The following BAG5 variants were observed in gnomAD, a reference collection of about 807,000 sequenced individuals.
BAG5 encodes BAG family molecular chaperone regulator 5.
A neutral mutation model predicts 31.8 loss-of-function variants in BAG5; 25 were observed. The observed-to-expected ratio is 0.79, with a 90% CI of 0.57 to 1.10. The LOEUF is 1.10. Ranked by LOEUF, BAG5 falls within the 50% of genes least tolerant of loss-of-function variation. The pLI, the probability that BAG5 is intolerant of heterozygous loss-of-function variation, is 0.00. For synonymous variants in BAG5, 208 were observed against 205.0 expected (o/e 1.01, Z -0.13); for missense variants, 491 against 527.9 (o/e 0.93, Z 0.68).
intron 1 of BAG5, among the ~76,000 whole-genome samples, 167 bp from the exon 2 acceptor site, chr14:103,561,359 C>T (rs2076072418): frequency 6.6e-6 from 1 of 152,156 alleles, no homozygotes; most frequent in East Asian, 1.9e-4. Context: ...ACCACTACGC[C>T]CAGCTAATGT....
Position 103,557,525 on chromosome 14 carries a change from T to C in BAG5, c.*2296A>G, listed in dbSNP as rs576372497. 2.6e-5 allele frequency: 4 copies of C among 152,202 alleles called. No homozygotes were observed. The highest frequency in any genetic ancestry group is 2.1e-4 in the South Asian group (1 of 4,824). The allele number at this position is 152,202 out of a possible 1,614,324, so 9.4% of individuals were successfully genotyped here. ...GGCAAAAGGTACACAAACACTTGTT[T>C]GAAAAGAATGACTGAAACGTCTACT... On this transcript the variant is annotated 3_prime_UTR_variant, in exon 2 of 2. Coordinates refer to ENST00000299204, the MANE Select transcript of BAG5 (RefSeq NM_001015048.3).
At chr14:103,561,216 CTT>C in intron 1 of BAG5, 24 bp from the exon 2 acceptor site, 1 of 1,564,046 alleles carries the variant, frequency 6.4e-7, no homozygotes, top group Non-Finnish European at 8.6e-7. Flanking sequence ...AGAATGATAA[CTT>C]ACTACAGCAC....
At position 103,557,067 on chromosome 14, in the gene BAG5, G is replaced by A. The variant is rs1362836565; in HGVS notation, c.*2754C>T. 1.3e-5 allele frequency: 2 copies of A among 152,224 alleles called. No individual in the cohort carries two copies. The highest frequency in any genetic ancestry group is 2.4e-5 in the African/African-American group (1 of 41,448). 9.4% of individuals were successfully genotyped at this position (152,224 alleles called of 1,614,324 possible). ...GTGTGATCTGAAAGCAACGCTGACT[G>A]AATGTAAATAAAGCAAACGTTCCCA... is the stretch of plus-strand genomic sequence containing the variant. On this transcript the variant is annotated 3_prime_UTR_variant, in exon 2 of 2. Coordinates refer to ENST00000299204, the MANE Select transcript of BAG5 (RefSeq NM_001015048.3).
chr14:103,562,161 G>C (rs937820076), intron 1 of BAG5: 2 of 636,958 alleles, frequency 3.1e-6, no homozygotes, highest in African/African-American at 1.8e-5. Flanking sequence ...CGAGGTGGAA[G>C]ATCAGCCCTT....
chr14:103,561,008 T>C lies in BAG5; in HGVS notation c.157A>G (p.Ile53Val). Residue 53 changes from isoleucine to valine, a missense_variant, in exon 2 of 2, where the codon ATA becomes GTA. By Grantham distance (29) the Ile-to-Val change is conservative (BLOSUM62 3). Transcript: ENST00000299204. ...ERILTKQLFE[I>V]DSVDTEGKGD... ...TTTCCTTCAGTATCTACAGAGTCTA[T>C]TTCAAAAAGCTGTTTTGTTAGAATC... 6 of 1,614,164 alleles carry C rather than the reference T, an allele frequency of 3.7e-6. No individual in the cohort carries two copies. Among genetic ancestry groups the C allele is most frequent in the Non-Finnish European group, 3.4e-6 (4 of 1,180,044 alleles).
chr14:103,562,242 G>C (rs1199090008), intron 1 of BAG5: 1 of 530,102 alleles, frequency 1.9e-6, no homozygotes, highest in African/African-American at 1.9e-5. Context: ...GTCTGAGCGG[G>C]GCAGCCGGTG....
intron 1 of BAG5, chr14:103,562,128 T>G: frequency 5.7e-6 from 4 of 704,990 alleles, no homozygotes; most frequent in Non-Finnish European, 1.0e-5. Flanking sequence ...GGATGCGGTC[T>G]TGGCGTCCCG....
rs764055806 is a variant in BAG5 at position 103,559,851 on chromosome 14, G to C, written c.1314C>G (p.Leu438=). 2.5e-6 allele frequency: 4 copies of C among 1,613,328 alleles called. No homozygotes were observed. The highest frequency in any genetic ancestry group is 3.4e-6 in the Non-Finnish European group (4 of 1,179,514). ...VRLAQNILSY[L]DLKSDEWEY is the part of the protein sequence containing the mutation. ...ACTCCCATTCATCAGATTTCAGGTC[G>C]AGATAGCTGAGAATATTCTGCGCAA... Residue 438 remains leucine (L), a synonymous_variant, in exon 2 of 2, where the codon CTC becomes CTG. Transcript: ENST00000299204.
Position 103,560,607 on chromosome 14 carries a change from G to A in BAG5, c.558C>T (p.Ile186=). The A allele has an allele frequency of 4.3e-6, 7 of 1,614,150 alleles. No homozygotes were observed. The highest frequency in any genetic ancestry group is 5.9e-6 in the Non-Finnish European group (7 of 1,180,026). ...TGTTCACCTCACACATCACGAAGTT[G>A]ATTTTGGCAACGGAAGGATGTGCAT... The part of the protein sequence containing the change: ...SEDAHPSVAK[I]NFVMCEVNKA... Residue 186 remains isoleucine, a synonymous_variant, in exon 2 of 2, where the codon ATC becomes ATT. Coordinates refer to ENST00000299204, the MANE Select transcript of BAG5 (RefSeq NM_001015048.3).
intron 1 of BAG5, chr14:103,561,703 C>A (rs1453780673): frequency 3.6e-6 from 2 of 556,528 alleles, no homozygotes; most frequent in Non-Finnish European, 6.4e-6. Context: ...CCCCTCCCCA[C>A]CCTTTTAGCT....
rs748332347 is a variant in BAG5 at position 103,560,471 on chromosome 14, C to A, written c.694G>T (p.Val232Leu). ...TTTCTGATTTCTGTCCGGCCGCACA[C>A]ATCTAGAGCATCCAGGTCAGCGATC... ...GLIADLDALD[V>L]CGRTEIRNYR... Residue 232 changes from valine to leucine, a missense_variant, in exon 2 of 2, where the codon GTG (valine) becomes TTG (leucine). Coordinates refer to ENST00000299204, the MANE Select transcript of BAG5 (RefSeq NM_001015048.3). 5 of 1,614,142 alleles carry A rather than the reference C, an allele frequency of 3.1e-6. No individual in the cohort carries two copies. Among genetic ancestry groups the A allele is most frequent in the Non-Finnish European group, 4.2e-6 (5 of 1,180,038 alleles).
At chr14:103,561,941 T>C in intron 1 of BAG5, 1 of 1,613,274 alleles carries the variant, frequency 6.2e-7, no homozygotes, top group South Asian at 1.1e-5. Flanking sequence ...AATGGCCTAA[T>C]GCACGTTTCA....
At position 103,560,111 on chromosome 14, in the gene BAG5, G is replaced by A. The variant is rs767872752; in HGVS notation, c.1054C>T (p.Leu352Phe). 1.2e-6 allele frequency: 2 copies of A among 1,614,130 alleles called. No individual in the cohort carries two copies. The highest frequency in any genetic ancestry group is 4.5e-5 in the East Asian group (2 of 44,888). ...LITYIDLKEA[L>F]EKRKLFACEE... ...CAAGCAAACAGCTTTCTTTTCTCAA[G>A]GGCCTCCTTCAAGTCAATATATGTG... The change falls in exon 2 of 2, where the codon CTT becomes TTT. Residue 352 changes from leucine to phenylalanine, a missense_variant. By Grantham distance (22) the Leu-to-Phe change is conservative. Transcript: ENST00000299204.
rs1319656446 is a variant in BAG5, at chr14:103,559,548, C to G, written c.*273G>C. On this transcript the variant is annotated 3_prime_UTR_variant, in exon 2 of 2. Transcript: ENST00000299204. ...CCCATTTAAAATCTACAAAAGCTGC[C>G]TCTATTTTGTTTTCTGATTAAAAAC... 3 of 346,058 alleles carry G rather than the reference C, an allele frequency of 8.7e-6. No homozygotes were observed. Among genetic ancestry groups the G allele is most frequent in the African/African-American group, 6.3e-5 (3 of 47,882 alleles). 21.4% of individuals were successfully genotyped at this position (346,058 alleles called of 1,614,324 possible). A position where few individuals can be genotyped will look rare whatever the true frequency, so the allele number is the denominator to read the frequency against.
In BAG5 at chr14:103,557,301, C is replaced by T. The variant is rs1334725910; in HGVS notation, c.*2520G>A. On this transcript the variant is annotated 3_prime_UTR_variant, in exon 2 of 2. Transcript: ENST00000299204. The stretch of plus-strand genomic sequence containing the variant: ...CACGAAGGCCGACAAGAGCTAAATC[C>T]GGTGTCAACAGGGTTCATTGCAGGA... 6.6e-6 allele frequency: 1 copy of T among 152,208 alleles called. No individual in the cohort carries two copies. Among genetic ancestry groups the T allele is most frequent in the East Asian group, 1.9e-4 (1 of 5,202 alleles). 9.4% of individuals were successfully genotyped at this position (152,208 alleles called of 1,614,324 possible).
Position 103,560,634 on chromosome 14 carries a change from C to A in BAG5, c.531G>T (p.Glu177Asp). 6.2e-7 allele frequency: 1 copy of A among 1,614,186 alleles called. No individual in the cohort carries two copies. Among genetic ancestry groups the A allele is most frequent in the Non-Finnish European group, 8.5e-7 (1 of 1,180,044 alleles). The change falls in exon 2 of 2, where the codon GAG becomes GAT. Residue 177 changes from glutamate to aspartate, a missense_variant. Physicochemically the swap from Glu to Asp is conservative, Grantham distance 45 (BLOSUM62 2). Coordinates refer to ENST00000299204, the MANE Select transcript of BAG5 (RefSeq NM_001015048.3). Reference sequence around the variant, plus strand: ...TTTTGGCAACGGAAGGATGTGCATCCTCGGAAAGCGGCAGGGAAGGCTGCT... The same window carrying A: ...TTTTGGCAACGGAAGGATGTGCATCATCGGAAAGCGGCAGGGAAGGCTGCT... The part of the protein sequence containing the change: ...MKKQPSLPLS[E>D]DAHPSVAKIN...
At position 103,560,079 on chromosome 14, in the gene BAG5, C is replaced by A; in HGVS notation, c.1086G>T (p.Glu362Asp). ...LEKRKLFACE[E>D]HPSHKAVWNV... The stretch of plus-strand genomic sequence containing the variant: ...TCCAGACGGCTTTATGGGATGGGTG[C>A]TCCTCACAAGCAAACAGCTTTCTTT... The change falls in exon 2 of 2, where the codon GAG (glutamate) becomes GAT (aspartate). Residue 362 changes from glutamate (E) to aspartate (D), a missense_variant. Coordinates refer to ENST00000299204, the MANE Select transcript of BAG5 (RefSeq NM_001015048.3). 1 of 1,614,176 alleles carries A rather than the reference C, an allele frequency of 6.2e-7. No individual in the cohort carries two copies. Among genetic ancestry groups the A allele is most frequent in the Non-Finnish European group, 8.5e-7 (1 of 1,180,050 alleles).
rs532675442 is a variant in BAG5, at chr14:103,562,398, C to T, written c.-29+218G>A. On this transcript the variant is annotated intron_variant, in intron 1 of 1. Coordinates refer to ENST00000299204, the MANE Select transcript of BAG5 (RefSeq NM_001015048.3). ...CCGGGGGAGGAGGGGAACCGAGGCC[C>T]GGCCGGAGACACCAGAGACCAGGCC... is the stretch of plus-strand genomic sequence containing the variant. The T allele has an allele frequency of 2.3e-5, 6 of 256,040 alleles. No individual in the cohort carries two copies. The Admixed American group carries it at 2.6e-4, about 11-fold the overall frequency. The allele number at this position is 256,040 out of a possible 1,614,324, so 15.9% of individuals were successfully genotyped here.
rs1305567516 is a variant in BAG5, at chr14:103,558,348, T to C, written c.*1473A>G. 6.6e-6 allele frequency: 1 copy of C among 152,208 alleles called. No individual in the cohort carries two copies. The highest frequency in any genetic ancestry group is 2.4e-5 in the African/African-American group (1 of 41,442). 9.4% of individuals were successfully genotyped at this position (152,208 alleles called of 1,614,324 possible). A position where few individuals can be genotyped will look rare whatever the true frequency, so the allele number is the denominator to read the frequency against. ...CTTTAGCTAGCTACTTTGAGCTGTT[T>C]AAAGTGACTATCTCCCTACACAGAG... On this transcript the variant is annotated 3_prime_UTR_variant, in exon 2 of 2. Coordinates refer to ENST00000299204, the MANE Select transcript of BAG5 (RefSeq NM_001015048.3).
Sources: gnomAD v4.1 joint callset for allele counts (sites outside exome capture counted in the v4.1 genomes callset) on GRCh38, gnomAD v4.1.1 for gene constraint, MANE v1.5 for transcripts, NCBI Gene and HGNC (gene_info 2026-07-23, HGNC 2026-07-21) for gene names.